Variants in CSGALNACT1 observed in about 807,000 individuals in gnomAD.
CSGALNACT1 encodes chondroitin sulfate N-acetylgalactosaminyltransferase 1, also known as beta4GalNAcT-1.
In CSGALNACT1, 52 loss-of-function variants were observed where a neutral mutation model predicts 51.0. The observed-to-expected ratio is 1.02, with a 90% confidence interval of 0.82 to 1.29. The LOEUF (loss-of-function observed/expected upper bound fraction) is 1.29, where lower values mean the gene tolerates loss of function less well. Ranked by LOEUF, CSGALNACT1 falls within the 50% of genes most tolerant of loss-of-function variation. CSGALNACT1 has a pLI of 0.00. For synonymous variants in CSGALNACT1, 341 were observed against 254.4 expected (o/e 1.34, Z -3.24); for missense variants, 935 against 679.2 (o/e 1.38, Z -4.19).
At chr8:19,495,770 G>C (rs143657715) in intron 4 of CSGALNACT1, among the ~76,000 whole-genome samples, 1 of 152,322 alleles carries the variant, frequency 6.6e-6, no homozygotes, top group Non-Finnish European at 1.5e-5. Flanking sequence ...TCTGAACCAA[G>C]GGTTTGTGTG....
intron 6 of CSGALNACT1, among the ~76,000 whole-genome samples, chr8:19,431,735 C>A (rs2059679239): frequency 6.6e-6 from 1 of 152,002 alleles, no homozygotes; most frequent in African/African-American, 2.4e-5. Context: ...GTTTTTGACA[C>A]ACTAGTGTTA....
At chr8:19,485,711 C>T (rs2072711938) in intron 4 of CSGALNACT1, among the ~76,000 whole-genome samples, 1 of 139,814 alleles carries the variant, frequency 7.2e-6, no homozygotes, top group African/African-American at 2.6e-5. Context: ...TTATGTAAAA[C>T]ATAGATTTAC....
intron 5 of CSGALNACT1, among the ~76,000 whole-genome samples, chr8:19,450,966 A>G (rs889363622): frequency 6.6e-6 from 1 of 152,166 alleles, no homozygotes; most frequent in Non-Finnish European, 1.5e-5. Context: ...CAGCACATAC[A>G]TAGCCCTACA....
chr8:19,504,743 T>C (rs908880791), intron 4 of CSGALNACT1, among the ~76,000 whole-genome samples: 2 of 152,196 alleles, frequency 1.3e-5, no homozygotes, highest in Non-Finnish European at 2.9e-5. Context: ...ATTAATTAAA[T>C]TACACCTCCA....
chr8:19,525,731 C>T (rs907023994), intron 3 of CSGALNACT1, among the ~76,000 whole-genome samples: 1 of 145,926 alleles, frequency 6.9e-6, no homozygotes, highest in African/African-American at 2.6e-5. Context: ...AGAGAGAAAG[C>T]AGCCTGCCCT....
intron 3 of CSGALNACT1, among the ~76,000 whole-genome samples, chr8:19,536,174 C>G (rs1206635441): frequency 1.3e-5 from 2 of 152,032 alleles, no homozygotes; most frequent in Non-Finnish European, 2.9e-5. Context: ...AAACTATAAA[C>G]TTTGGGTGAT....
At chr8:19,625,056 T>C (rs889875219) in intron 1 of CSGALNACT1, among the ~76,000 whole-genome samples, 7 of 152,168 alleles carry the variant, frequency 4.6e-5, no homozygotes, top group Admixed American at 3.9e-4. Context: ...ATAAGCCTAA[T>C]CAACGACTGA....
chr8:19,660,361 T>C (rs1157156739), intron 1 of CSGALNACT1, among the ~76,000 whole-genome samples: 1 of 152,184 alleles, frequency 6.6e-6, no homozygotes, highest in Non-Finnish European at 1.5e-5. Flanking sequence ...TTAATCCCCC[T>C]AAGCCTTAAT....
At chr8:19,501,113 A>G (rs992562287) in intron 4 of CSGALNACT1, among the ~76,000 whole-genome samples, 3 of 151,532 alleles carry the variant, frequency 2.0e-5, no homozygotes, top group Non-Finnish European at 2.9e-5. Context: ...AACCAAGCAT[A>G]GTGGCACGTG....
At chr8:19,666,842 A>C (rs1589380733) in intron 1 of CSGALNACT1, among the ~76,000 whole-genome samples, 3 of 92,034 alleles carry the variant, frequency 3.3e-5, no homozygotes, top group African/African-American at 1.4e-4. Context: ...AGAAAGAAAG[A>C]AAGAAAGAAA....
At chr8:19,468,699 G>A (rs1019739639) in intron 4 of CSGALNACT1, among the ~76,000 whole-genome samples, 1 of 152,142 alleles carries the variant, frequency 6.6e-6, no homozygotes, top group Non-Finnish European at 1.5e-5. Context: ...GGGAGAAAAG[G>A]AGGCTGACTC....
At chr8:19,565,346 C>T (rs572688984) in intron 3 of CSGALNACT1, among the ~76,000 whole-genome samples, 72 of 152,268 alleles carry the variant, frequency 4.7e-4, no homozygotes, top group Middle Eastern at 3.4e-3. Flanking sequence ...AAACTGTCAC[C>T]TCTCCAGGCA....
intron 1 of CSGALNACT1, among the ~76,000 whole-genome samples, chr8:19,627,882 T>C (rs566838839): frequency 5.4e-4 from 83 of 152,294 alleles, no homozygotes; most frequent in African/African-American, 2.0e-3. Flanking sequence ...CAGTCAGTAG[T>C]TCAGTTAATA....
chr8:19,472,443 C>G (rs952033421), intron 4 of CSGALNACT1, among the ~76,000 whole-genome samples: 1 of 152,234 alleles, frequency 6.6e-6, no homozygotes, highest in Non-Finnish European at 1.5e-5. Flanking sequence ...AAATTTCCAT[C>G]ACTCTGACTC....
chr8:19,687,415 ATATAT>A (rs1288478293), upstream of CSGALNACT1, among the ~76,000 whole-genome samples: 30 of 152,326 alleles, frequency 2.0e-4, no homozygotes, highest in South Asian at 2.1e-3. Context: ...CCCCACTAAA[ATATAT>A]TATATATGTG....
intron 1 of CSGALNACT1, among the ~76,000 whole-genome samples, chr8:19,620,793 T>A (rs1263276303): frequency 6.6e-6 from 1 of 152,096 alleles, no homozygotes; most frequent in Non-Finnish European, 1.5e-5. Flanking sequence ...TTAAGGGTAG[T>A]GGGTGAGAAA....
At chr8:19,408,833 A>C (rs768708758) in intron 8 of CSGALNACT1, 139 bp from the exon 8 acceptor site, 4 of 759,298 alleles carry the variant, frequency 5.3e-6, no homozygotes, top group African/African-American at 1.7e-5. Context: ...CAGGAAACGC[A>C]GATGGATTTG....
At chr8:19,540,759 T>C (rs887690018) in intron 3 of CSGALNACT1, among the ~76,000 whole-genome samples, 1 of 152,208 alleles carries the variant, frequency 6.6e-6, no homozygotes, top group African/African-American at 2.4e-5. Flanking sequence ...TTGTTCACCC[T>C]GCTCCCTTTG....
chr8:19,696,023 C>T (rs1429388639), intron 1 of CSGALNACT1, among the ~76,000 whole-genome samples: 2 of 152,176 alleles, frequency 1.3e-5, no homozygotes, highest in Non-Finnish European at 2.9e-5. Flanking sequence ...TTTTTAAAAA[C>T]TTTAAAGACC....
Sources: allele counts gnomAD v4.1 joint callset (sites outside exome capture counted in the v4.1 genomes callset), GRCh38; gene constraint gnomAD v4.1.1; transcripts MANE v1.5; gene names NCBI Gene and HGNC (gene_info 2026-07-23, HGNC 2026-07-21).